The following SCTR variants were observed in gnomAD, a reference collection of about 807,000 sequenced individuals.
The protein encoded by SCTR is pancreatic secretin receptor.
A neutral mutation model predicts 60.8 loss-of-function variants in SCTR; 56 were observed. That is an observed-to-expected ratio of 0.92 (90% CI 0.74 to 1.15). The LOEUF (loss-of-function observed/expected upper bound fraction) is 1.15. SCTR is among the 50% of genes most tolerant of loss of function. The probability of loss-of-function intolerance (pLI) is 0.00; values close to 1 mark genes in which losing one functional copy is unlikely to be tolerated. For missense variants in SCTR, 562 were observed against 550.4 expected, an observed-to-expected ratio of 1.02 and a Z score of -0.21; for synonymous variants, 202 against 217.0, an observed-to-expected ratio of 0.93 and a Z score of 0.61.
chr2:119,454,044 A>G (rs1368573229), intron 7 of SCTR, among the ~76,000 whole-genome samples: 1 of 152,174 alleles, frequency 6.6e-6, no homozygotes, highest in Non-Finnish European at 1.5e-5. Flanking sequence ...GCCCGTAAGG[A>G]CAAAGACTGA....
At chr2:119,517,151 G>C (rs891063195) in intron 1 of SCTR, among the ~76,000 whole-genome samples, 1 of 151,438 alleles carries the variant, frequency 6.6e-6, no homozygotes, top group African/African-American at 2.4e-5. Flanking sequence ...ATATCATGTT[G>C]TACACTTTAA....
At chr2:119,440,480 G>A (rs748639048) in intron 12 of SCTR, among the ~76,000 whole-genome samples, 55 of 152,322 alleles carry the variant, frequency 3.6e-4, no homozygotes, top group Non-Finnish European at 3.1e-4. Flanking sequence ...TCATTACATC[G>A]TGTCTTAAAG....
At position 119,517,717 on chromosome 2, in the gene SCTR, A is replaced by G. The variant is rs1427592046; in HGVS notation, c.72+6438T>C. 2.0e-5 allele frequency among the ~76,000 whole-genome samples: 3 copies of G among 152,096 alleles called. No individual in the cohort carries two copies. The South Asian group carries it at 6.2e-4, about 32-fold the overall frequency. On this transcript the variant is annotated intron_variant, in intron 1 of 12. Coordinates refer to ENST00000019103, the MANE Select transcript of SCTR (RefSeq NM_002980.3). ...ACCAGCTGATGAGAAAAGTCAGCGG[A>G]GAGGAAGAGGGTGAAGGTTGGGTGA...
chr2:119,478,765 G>C, intron 3 of SCTR, 46 bp downstream of exon 3: 1 of 1,595,924 alleles, frequency 6.3e-7, no homozygotes, highest in African/African-American at 1.3e-5. Flanking sequence ...CACCCAGAGG[G>C]ACACCCCTCA....
chr2:119,473,065 C>T (rs1312229866), intron 4 of SCTR, among the ~76,000 whole-genome samples: 4 of 152,318 alleles, frequency 2.6e-5, no homozygotes, highest in African/African-American at 7.2e-5. Flanking sequence ...AAGTGAGGCA[C>T]GTAGTGATTA....
At chr2:119,445,104 G>A (rs1164520766) in intron 11 of SCTR, among the ~76,000 whole-genome samples, 5 of 151,850 alleles carry the variant, frequency 3.3e-5, no homozygotes, top group Non-Finnish European at 7.4e-5. Context: ...CATTTTCCTA[G>A]AGAAGTAGTC....
rs115138347 is a variant in SCTR at position 119,497,163 on chromosome 2, G to A, written c.73-2615C>T. ...TTCCACTACCACCGAGTGGCACTGT[G>A]GCCACCCCCACTGCTGTGTCAGTGG... is the stretch of plus-strand genomic sequence containing the variant. On this transcript the variant is annotated intron_variant, in intron 1 of 12. Coordinates refer to ENST00000019103, the MANE Select transcript of SCTR (RefSeq NM_002980.3). 6.3e-3 allele frequency among the ~76,000 whole-genome samples: 954 copies of A among 152,228 alleles called. 9 individuals carry two copies. Among genetic ancestry groups the A allele is most frequent in the African/African-American group, 0.022 (895 of 41,530 alleles).
At chr2:119,482,973 G>C (rs1362698243) in intron 2 of SCTR, among the ~76,000 whole-genome samples, 2 of 152,228 alleles carry the variant, frequency 1.3e-5, no homozygotes, top group Non-Finnish European at 2.9e-5. Flanking sequence ...AAGCAGCTGG[G>C]GCATTTCCAG....
intron 1 of SCTR, among the ~76,000 whole-genome samples, chr2:119,512,401 T>A (rs888657954): frequency 1.4e-5 from 2 of 139,598 alleles, no homozygotes; most frequent in African/African-American, 5.9e-5. Flanking sequence ...TTCTCCTTCT[T>A]CTTCTTTCTT....
At chr2:119,463,044 T>G (rs760247578) in intron 6 of SCTR, among the ~76,000 whole-genome samples, 6 of 149,886 alleles carry the variant, frequency 4.0e-5, no homozygotes, top group Admixed American at 6.6e-5. Context: ...GAAGAACCTC[T>G]CAGTCTGAGT....
chr2:119,523,943 C>T (rs1679370484), intron 1 of SCTR, among the ~76,000 whole-genome samples: 1 of 152,114 alleles, frequency 6.6e-6, no homozygotes, highest in South Asian at 2.1e-4. Flanking sequence ...GAGCCGCCTT[C>T]GTCTGGCGCG....
intron 1 of SCTR, among the ~76,000 whole-genome samples, chr2:119,502,823 C>CA (rs776111469): frequency 0.12 from 10,010 of 83,600 alleles, 1,156 homozygotes; most frequent in African/African-American, 0.34. Context: ...GAGACCTCGT[C>CA]AAAAAAAAAA....
intron 10 of SCTR, among the ~76,000 whole-genome samples, chr2:119,447,633 G>T (rs570074377): frequency 2.0e-5 from 3 of 152,148 alleles, no homozygotes; most frequent in African/African-American, 7.2e-5. Flanking sequence ...GTGCAGTGGC[G>T]CAATCGCGGC....
intron 1 of SCTR, among the ~76,000 whole-genome samples, chr2:119,509,446 T>C (rs368335377): frequency 6.6e-6 from 1 of 152,172 alleles, no homozygotes; most frequent in African/African-American, 2.4e-5. Context: ...CAATTTCCAC[T>C]GTAAGAGTTG....
At chr2:119,501,981 C>A (rs183122729) in intron 1 of SCTR, among the ~76,000 whole-genome samples, 4 of 152,090 alleles carry the variant, frequency 2.6e-5, no homozygotes, top group South Asian at 2.1e-4. Flanking sequence ...AGTGGCCAGG[C>A]GTAGTGGCTC....
chr2:119,523,126 CAG>C (rs545423369), intron 1 of SCTR, among the ~76,000 whole-genome samples: 31 of 152,264 alleles, frequency 2.0e-4, no homozygotes, highest in South Asian at 1.5e-3. Context: ...TTGCCCAGGA[CAG>C]AGATCAGAGA....
At chr2:119,508,179 C>T (rs138077002) in intron 1 of SCTR, among the ~76,000 whole-genome samples, 32 of 152,176 alleles carry the variant, frequency 2.1e-4, no homozygotes, top group African/African-American at 5.8e-4. Flanking sequence ...AGGAAAGGGA[C>T]GTGCCTCCCT....
intron 1 of SCTR, among the ~76,000 whole-genome samples, chr2:119,510,210 C>T (rs2104938768): frequency 6.6e-6 from 1 of 151,722 alleles, no homozygotes; most frequent in South Asian, 2.1e-4. Flanking sequence ...GTTCAACTCC[C>T]ACTTATGGTT....
chr2:119,500,768 A>G (rs1678517399), intron 1 of SCTR, among the ~76,000 whole-genome samples: 1 of 152,214 alleles, frequency 6.6e-6, no homozygotes, highest in African/African-American at 2.4e-5. Flanking sequence ...AATAATGGGT[A>G]CAAATATAGT....
Sources: allele counts gnomAD v4.1 joint callset (sites outside exome capture counted in the v4.1 genomes callset), GRCh38; gene constraint gnomAD v4.1.1; transcripts MANE v1.5; gene names NCBI Gene and HGNC (gene_info 2026-07-23, HGNC 2026-07-21).